Variants in DNAJC15 observed in about 807,000 individuals in gnomAD.
DNAJC15 encodes the protein DnaJ heat shock protein family (Hsp40) member C15.
A neutral mutation model predicts 22.4 loss-of-function variants in DNAJC15; 27 were observed. The ratio of observed to expected loss-of-function variants is 1.20; its 90% CI spans 0.89 to 1.66. The LOEUF (loss-of-function observed/expected upper bound fraction) is 1.66. Ranked by LOEUF, DNAJC15 falls within the 40% of genes most tolerant of loss-of-function variation. The pLI is 0.00. For missense variants in DNAJC15, 208 were observed against 187.1 expected, an observed-to-expected ratio of 1.11 and a Z score of -0.65; for synonymous variants, 79 against 63.2, an observed-to-expected ratio of 1.25 and a Z score of -1.19.
intron 5 of DNAJC15, among the ~76,000 whole-genome samples, chr13:43,101,432 A>C (rs540356348): frequency 2.0e-5 from 3 of 152,266 alleles, no homozygotes; most frequent in South Asian, 4.1e-4. Context: ...CTTTTATTTC[A>C]GTAGTTTTGG....
chr13:43,037,580 A>T (rs2040434637), intron 1 of DNAJC15, among the ~76,000 whole-genome samples: 1 of 152,192 alleles, frequency 6.6e-6, no homozygotes, highest in African/African-American at 2.4e-5. Context: ...CCATCTCACC[A>T]GGTGAGATCT....
At chr13:43,049,024 A>G (rs1195295116) in intron 1 of DNAJC15, among the ~76,000 whole-genome samples, 1 of 152,144 alleles carries the variant, frequency 6.6e-6, no homozygotes, top group East Asian at 1.9e-4. Flanking sequence ...ACTGCTACAT[A>G]TGTGTGACAC....
intron 4 of DNAJC15, among the ~76,000 whole-genome samples, chr13:43,079,113 T>A (rs1178245198): frequency 1.3e-5 from 2 of 152,230 alleles, no homozygotes; most frequent in Admixed American, 1.3e-4. Context: ...TTCACCTTAG[T>A]ATCCTTTTAT....
intron 1 of DNAJC15, among the ~76,000 whole-genome samples, chr13:43,051,686 C>G (rs750515582): frequency 6.6e-6 from 1 of 150,850 alleles, no homozygotes; most frequent in Non-Finnish European, 1.5e-5. Context: ...TTTCTTTATC[C>G]GCTCTTTGAT....
Position 43,112,451 on chromosome 13 carries a change from C to T in DNAJC15, c.*5203C>T, listed in dbSNP as rs941522473. The T allele has an allele frequency of 6.6e-6, 1 of 152,142 alleles. No homozygotes were observed. The highest frequency in any genetic ancestry group is 1.5e-5 in the Non-Finnish European group (1 of 68,024). 9.4% of individuals were successfully genotyped at this position (152,142 alleles called of 1,614,324 possible). ...CATAAATTTCAAATTAGTATCTCAA[C>T]TTAGCAGGGGGGATCAACAGTGGCA... On this transcript the variant is annotated 3_prime_UTR_variant, in exon 6 of 6. Coordinates refer to ENST00000379221, the MANE Select transcript of DNAJC15 (RefSeq NM_013238.3).
chr13:43,107,202 A>C lies in DNAJC15; in HGVS notation c.407A>C (p.Lys136Thr). Residue 136 changes from lysine to threonine, a missense_variant, in exon 6 of 6, where the codon AAA becomes ACA. By Grantham distance (78) the Lys-to-Thr change is moderately conservative. Coordinates refer to ENST00000379221, the MANE Select transcript of DNAJC15 (RefSeq NM_013238.3). ...DKGGSPYVAA[K>T]INEAKDLLET... ...GGTGGATCTCCTTACGTAGCAGCCA[A>C]AATAAATGAAGCAAAAGACTTGCTA... The C allele has an allele frequency of 6.3e-7, 1 of 1,596,496 alleles. No individual in the cohort carries two copies. Among genetic ancestry groups the C allele is most frequent in the South Asian group, 1.1e-5 (1 of 87,948 alleles).
At chr13:43,102,847 C>T (rs2040776534) in intron 5 of DNAJC15, among the ~76,000 whole-genome samples, 1 of 151,922 alleles carries the variant, frequency 6.6e-6, no homozygotes, top group African/African-American at 2.4e-5. Flanking sequence ...GATATGCCAG[C>T]CTCATAAAAA....
At chr13:43,046,592 T>C (rs533740828) in intron 1 of DNAJC15, among the ~76,000 whole-genome samples, 6 of 152,104 alleles carry the variant, frequency 3.9e-5, no homozygotes, top group Admixed American at 2.0e-4. Context: ...AAATCATATA[T>C]CGCCTGAGAG....
chr13:43,086,958 G>A (rs113611092), intron 5 of DNAJC15, among the ~76,000 whole-genome samples: 2 of 152,280 alleles, frequency 1.3e-5, no homozygotes, highest in African/African-American at 4.8e-5. Flanking sequence ...CAAGGGATCA[G>A]CATTTTTCTT....
chr13:43,093,450 G>A (rs2040724703), intron 5 of DNAJC15, among the ~76,000 whole-genome samples: 1 of 151,804 alleles, frequency 6.6e-6, no homozygotes, highest in Non-Finnish European at 1.5e-5. Flanking sequence ...TTGTTCCATT[G>A]CCCAGGCTAG....
chr13:43,066,721 C>T (rs912877444), intron 2 of DNAJC15, among the ~76,000 whole-genome samples: 1 of 152,190 alleles, frequency 6.6e-6, no homozygotes, highest in Non-Finnish European at 1.5e-5. Flanking sequence ...CTCCCGGGTT[C>T]ATGCCATTCT....
At chr13:43,046,516 A>G (rs966955270) in intron 1 of DNAJC15, among the ~76,000 whole-genome samples, 2 of 152,090 alleles carry the variant, frequency 1.3e-5, no homozygotes, top group Admixed American at 1.3e-4. Flanking sequence ...CGCCCAACCA[A>G]TCAGGTAGTA....
chr13:43,111,719 C>G lies in DNAJC15; in HGVS notation c.*4471C>G, dbSNP rs535949870. The G allele has an allele frequency of 1.0e-3, 155 of 152,318 alleles. No homozygotes were observed. The highest frequency in any genetic ancestry group is 3.7e-3 in the African/African-American group (152 of 41,568). 9.4% of individuals were successfully genotyped at this position (152,318 alleles called of 1,614,324 possible). On this transcript the variant is annotated 3_prime_UTR_variant, in exon 6 of 6. Transcript: ENST00000379221. Reference sequence around the variant, plus strand: ...TGGAACCATGCTGTCCTCGGGCACCCTGCACCTCGCCCAACAGTCATCAAC... The same window carrying G: ...TGGAACCATGCTGTCCTCGGGCACCGTGCACCTCGCCCAACAGTCATCAAC...
At chr13:43,064,637 A>C (rs2040574670) in intron 1 of DNAJC15, among the ~76,000 whole-genome samples, 1 of 152,214 alleles carries the variant, frequency 6.6e-6, no homozygotes, top group African/African-American at 2.4e-5. Flanking sequence ...AGGAAGATGG[A>C]ACTTTTATTT....
chr13:43,042,962 A>G (rs2040460574), intron 1 of DNAJC15, among the ~76,000 whole-genome samples: 1 of 152,176 alleles, frequency 6.6e-6, no homozygotes, highest in Non-Finnish European at 1.5e-5. Context: ...TTAAAGCCAA[A>G]TATGCAACCT....
intron 2 of DNAJC15, among the ~76,000 whole-genome samples, chr13:43,068,723 A>G (rs2040594552): frequency 6.6e-6 from 1 of 152,118 alleles, no homozygotes; most frequent in Non-Finnish European, 1.5e-5. Flanking sequence ...GATAAATTTA[A>G]TGGCTATGAT....
chr13:43,109,258 A>G lies in DNAJC15; in HGVS notation c.*2010A>G, dbSNP rs1314426460. Reference sequence around the variant, plus strand: ...CTTGTGAAGCAACTCTTGGTGTAACATACCTTATTTCTCATACTAAAATGC... The same window carrying G: ...CTTGTGAAGCAACTCTTGGTGTAACGTACCTTATTTCTCATACTAAAATGC... On this transcript the variant is annotated 3_prime_UTR_variant, in exon 6 of 6. Coordinates refer to ENST00000379221, the MANE Select transcript of DNAJC15 (RefSeq NM_013238.3). 2 of 152,206 alleles carry G rather than the reference A, an allele frequency of 1.3e-5. No individual in the cohort carries two copies. Among genetic ancestry groups the G allele is most frequent in the African/African-American group, 4.8e-5 (2 of 41,444 alleles). The allele number at this position is 152,206 out of a possible 1,614,324, so 9.4% of individuals were successfully genotyped here.
In DNAJC15 at chr13:43,086,977, A is replaced by G. The variant is rs531961005; in HGVS notation, c.382+1139A>G. On this transcript the variant is annotated intron_variant, in intron 5 of 5. Coordinates refer to ENST00000379221, the MANE Select transcript of DNAJC15 (RefSeq NM_013238.3). ...GGATCAGCATTTTTCTTTGGCTTCT[A>G]CCTTCCAGTCAGCATTGTGGCCTTG... Among the ~76,000 whole-genome samples the G allele has an allele frequency of 3.3e-5, 5 of 152,304 alleles. No homozygotes were observed. In the East Asian group the frequency reaches 9.6e-4, roughly 29 times the overall value.
At position 43,110,537 on chromosome 13, in the gene DNAJC15, T is replaced by G. The variant is rs1272454407; in HGVS notation, c.*3289T>G. Reference sequence around the variant, plus strand: ...CATGTATAATTGAACTACAGTTACTTGAAATATAAGCCCAGAAAGTTTCAG... The same window carrying G: ...CATGTATAATTGAACTACAGTTACTGGAAATATAAGCCCAGAAAGTTTCAG... On this transcript the variant is annotated 3_prime_UTR_variant, in exon 6 of 6. Transcript: ENST00000379221. The G allele has an allele frequency of 1.3e-5, 2 of 152,156 alleles. No homozygotes were observed. The highest frequency in any genetic ancestry group is 2.9e-5 in the Non-Finnish European group (2 of 68,028). The allele number at this position is 152,156 out of a possible 1,614,324, so 9.4% of individuals were successfully genotyped here. A position where few individuals can be genotyped will look rare whatever the true frequency, so the allele number is the denominator to read the frequency against.
Sources: gnomAD v4.1 joint callset for allele counts (sites outside exome capture counted in the v4.1 genomes callset) on GRCh38, gnomAD v4.1.1 for gene constraint, MANE v1.5 for transcripts, NCBI Gene and HGNC (gene_info 2026-07-23, HGNC 2026-07-21) for gene names.